The following DNAH6 variants were observed in gnomAD, a reference collection of about 807,000 sequenced individuals.
DNAH6 encodes the protein dynein axonemal heavy chain 6.
DNAH6 carries 340 observed loss-of-function variants against 491.4 expected under a neutral mutation model. The observed-to-expected ratio is 0.69, with a 90% CI of 0.63 to 0.76. The LOEUF (loss-of-function observed/expected upper bound fraction) is 0.76, where lower values mean the gene tolerates loss of function less well. Among genes scored for constraint, DNAH6 ranks in the 30% least tolerant of loss-of-function variants. The pLI is 0.00. For synonymous variants in DNAH6, 1,603 were observed against 1,686.1 expected (o/e 0.95, Z 1.21); for missense variants, 4,443 against 4,972.2 (o/e 0.89, Z 3.20).
Position 84,677,128 on chromosome 2 carries a change from AT to A in DNAH6, c.6741del (p.Gln2248ArgfsTer4). On this transcript the variant is annotated frameshift_variant, in exon 41 of 77. Transcript: ENST00000389394. LOFTEE classifies it high-confidence loss of function. Reference sequence around the variant, plus strand: ...GCCCTCAGAGCACAGTCTGAAACAGATTTTTCAGGTGAGTGTCGATTTTAAC... The same window carrying A: ...GCCCTCAGAGCACAGTCTGAAACAGATTTTCAGGTGAGTGTCGATTTTAAC... ...PMPSEHSLKQ[I>X]FQAILNGFLS... 1 of 1,551,622 alleles carries A rather than the reference AT, an allele frequency of 6.4e-7. No homozygotes were observed. Among genetic ancestry groups the A allele is most frequent in the South Asian group, 1.2e-5 (1 of 84,048 alleles).
intron 40 of DNAH6, among the ~76,000 whole-genome samples, chr2:84,675,720 A>C (rs1048753967): frequency 2.6e-5 from 4 of 152,204 alleles, no homozygotes. Context: ...CTGCACTGGC[A>C]CAATAGAGGC....
chr2:84,488,222 G>A, the DNAH6 span, among the ~76,000 whole-genome samples: 1 of 152,058 alleles, frequency 6.6e-6, no homozygotes, highest in Non-Finnish European at 1.5e-5. Flanking sequence ...TACCACAAAG[G>A]TAATGTTGTT....
intron 63 of DNAH6, among the ~76,000 whole-genome samples, chr2:84,745,464 G>A (rs1236305379): frequency 3.3e-5 from 5 of 152,148 alleles, no homozygotes; most frequent in South Asian, 4.1e-4. Context: ...AGGAGATCGC[G>A]ACCATCGTGG....
Position 84,681,388 on chromosome 2 carries a change from C to T in DNAH6, c.6776C>T (p.Pro2259Leu). ...AILNGFLSDF[P>L]PAVKQTASSI... ...TTAAATGGTTTCCTGAGTGACTTTC[C>T]ACCAGCTGTAAAGCAAACTGCATCA... Residue 2259 changes from proline (P) to leucine (L), a missense_variant, in exon 42 of 77, where the codon CCA becomes CTA. Coordinates refer to ENST00000389394, the MANE Select transcript of DNAH6 (RefSeq NM_001370.2). 2 of 1,549,698 alleles carry T rather than the reference C, an allele frequency of 1.3e-6. No homozygotes were observed. The highest frequency in any genetic ancestry group is 1.2e-5 in the South Asian group (1 of 83,504).
the DNAH6 span, among the ~76,000 whole-genome samples, chr2:84,476,989 G>A: frequency 3.3e-5 from 5 of 152,198 alleles, no homozygotes; most frequent in African/African-American, 4.8e-5. Flanking sequence ...ATGCTCTAGC[G>A]TTCCTTCACT....
In DNAH6 at chr2:84,785,678, G is replaced by A. The variant is rs530785876; in HGVS notation, c.11022G>A (p.Ser3674=). Residue 3674 remains serine, a synonymous_variant, in exon 67 of 77, where the codon TCG becomes TCA. Coordinates refer to ENST00000389394, the MANE Select transcript of DNAH6 (RefSeq NM_001370.2). The stretch of plus-strand genomic sequence containing the variant: ...GAGCATTTACTGAAATGACACCTTC[G>A]TTTTTTGAAGAAAATATACTTGGAA... ...IRRAFTEMTP[S]FFEENILGKK... The A allele has an allele frequency of 1.6e-4, 248 of 1,547,964 alleles. No homozygotes were observed. The Middle Eastern group carries it at 1.7e-3, about 10-fold the overall frequency.
chr2:84,654,832 T>C, intron 35 of DNAH6, 50 bp downstream of exon 35: 1 of 1,542,956 alleles, frequency 6.5e-7, no homozygotes, highest in Non-Finnish European at 8.8e-7. Context: ...AGGACTCATG[T>C]TGCCTTCTAG....
intron 64 of DNAH6, among the ~76,000 whole-genome samples, chr2:84,771,715 C>T (rs545442802): frequency 6.6e-6 from 1 of 152,238 alleles, no homozygotes; most frequent in African/African-American, 2.4e-5. Context: ...ACCAAGAATT[C>T]TATATCTGGC....
intron 42 of DNAH6, among the ~76,000 whole-genome samples, chr2:84,682,417 A>G (rs555262078): frequency 1.9e-4 from 29 of 152,322 alleles, no homozygotes; most frequent in African/African-American, 6.7e-4. Flanking sequence ...ATCTACGCAC[A>G]TATTCCCTCA....
intron 37 of DNAH6, among the ~76,000 whole-genome samples, chr2:84,667,377 A>G (rs1045939447): frequency 2.6e-5 from 4 of 152,248 alleles, no homozygotes; most frequent in South Asian, 2.1e-4. Context: ...TCCAGAATCT[A>G]TAAAAAACTT....
At chr2:84,577,612 G>C (rs1255263160) in intron 13 of DNAH6, among the ~76,000 whole-genome samples, 1 of 151,814 alleles carries the variant, frequency 6.6e-6, no homozygotes, top group Non-Finnish European at 1.5e-5. Flanking sequence ...ATAATGGAGG[G>C]GACTGCAGGC....
At chr2:84,542,302 T>G (rs1474102770) in intron 4 of DNAH6, among the ~76,000 whole-genome samples, 1 of 152,128 alleles carries the variant, frequency 6.6e-6, no homozygotes, top group South Asian at 2.1e-4. Flanking sequence ...CAAATTGAAG[T>G]TTTACATTTT....
chr2:84,629,399 A>T (rs778681993), intron 29 of DNAH6, among the ~76,000 whole-genome samples: 4 of 152,216 alleles, frequency 2.6e-5, no homozygotes, highest in Non-Finnish European at 5.9e-5. Context: ...CCTATGCTCC[A>T]CATCCTTGCC....
At chr2:84,466,464 T>C in the DNAH6 span, among the ~76,000 whole-genome samples, 20 of 152,224 alleles carry the variant, frequency 1.3e-4, no homozygotes, top group African/African-American at 4.8e-4. Context: ...GCAAATTTTG[T>C]TCACAGTAGC....
the DNAH6 span, among the ~76,000 whole-genome samples, chr2:84,473,212 A>G: frequency 1.5e-4 from 23 of 152,324 alleles, no homozygotes; most frequent in East Asian, 4.1e-3. Context: ...AAAACTGCCA[A>G]ATTAATTTAC....
intron 10 of DNAH6, 103 bp from the exon 11 acceptor site, chr2:84,557,632 G>A (rs1175729228): frequency 1.3e-5 from 3 of 236,338 alleles, no homozygotes; most frequent in Non-Finnish European, 1.8e-5. Flanking sequence ...AGTCCGGCCT[G>A]GGCGACAGAG....
At chr2:84,590,840 G>C (rs1684048949) in intron 16 of DNAH6, among the ~76,000 whole-genome samples, 1 of 152,154 alleles carries the variant, frequency 6.6e-6, no homozygotes, top group South Asian at 2.1e-4. Flanking sequence ...AAGACAGACT[G>C]GATGGAATAC....
intron 63 of DNAH6, among the ~76,000 whole-genome samples, chr2:84,749,608 C>T (rs1673278261): frequency 6.6e-6 from 1 of 152,132 alleles, no homozygotes; most frequent in African/African-American, 2.4e-5. Context: ...GTTGTGTCAC[C>T]TCAGATGGTG....
chr2:84,662,624 C>G (rs1024439226), intron 37 of DNAH6, among the ~76,000 whole-genome samples: 2 of 152,200 alleles, frequency 1.3e-5, no homozygotes, highest in Admixed American at 1.3e-4. Flanking sequence ...CTGGGTGGAG[C>G]CCACCACAGC....
Sources: gnomAD v4.1 joint callset for allele counts (sites outside exome capture counted in the v4.1 genomes callset) on GRCh38, gnomAD v4.1.1 for gene constraint, MANE v1.5 for transcripts, NCBI Gene and HGNC (gene_info 2026-07-23, HGNC 2026-07-21) for gene names.